Variants in MPRIP observed in about 807,000 individuals in gnomAD.
The protein encoded by MPRIP is myosin phosphatase Rho-interacting protein.
In MPRIP, 59 loss-of-function variants were observed where a neutral mutation model predicts 234.9. That is an observed-to-expected ratio of 0.25 (90% CI 0.20 to 0.31). The LOEUF is 0.31. MPRIP is among the 10% of genes least tolerant of loss of function. MPRIP has a pLI of 1.00. For synonymous variants in MPRIP, 1,144 were observed against 1,263.9 expected (o/e 0.91, Z 2.01); for missense variants, 2,436 against 3,071.0 (o/e 0.79, Z 4.89).
intron 16 of MPRIP, chr17:17,168,458 GAGA>G (rs1473467573): frequency 1.1e-5 from 3 of 282,558 alleles, no homozygotes; most frequent in Non-Finnish European, 2.1e-5. Context: ...GTGCTCTGGT[GAGA>G]AGAACTTTCC....
intron 7 of MPRIP, among the ~76,000 whole-genome samples, chr17:17,139,615 AAG>A (rs1491119164): frequency 6.6e-6 from 1 of 152,190 alleles, no homozygotes; most frequent in African/African-American, 2.4e-5. Flanking sequence ...CCGTGCCTCG[AAG>A]GGCAGGTGGA....
intron 1 of MPRIP, among the ~76,000 whole-genome samples, chr17:17,068,097 G>A (rs1384966034): frequency 6.6e-6 from 1 of 151,722 alleles, no homozygotes; most frequent in Non-Finnish European, 1.5e-5. Flanking sequence ...ATAACAATTT[G>A]TGCCATTATG....
chr17:17,105,129 C>T (rs889631553), intron 3 of MPRIP, among the ~76,000 whole-genome samples: 1 of 152,174 alleles, frequency 6.6e-6, no homozygotes, highest in Non-Finnish European at 1.5e-5. Flanking sequence ...CTCAAGTAGG[C>T]ACTAATTCCA....
intron 1 of MPRIP, among the ~76,000 whole-genome samples, chr17:17,061,366 C>A (rs953662941): frequency 1.3e-5 from 2 of 152,186 alleles, no homozygotes; most frequent in African/African-American, 4.8e-5. Flanking sequence ...AATTGAAATG[C>A]AGAGAACATT....
At chr17:17,140,481 C>T (rs1156585060) in intron 7 of MPRIP, among the ~76,000 whole-genome samples, 3 of 152,180 alleles carry the variant, frequency 2.0e-5, no homozygotes, top group African/African-American at 7.2e-5. Flanking sequence ...CTGAGGCCTG[C>T]TCACTGGATC....
Position 17,163,095 on chromosome 17 carries a change from C to T in MPRIP, c.2518-1014C>T, listed in dbSNP as rs573924276. Among the ~76,000 whole-genome samples the T allele has an allele frequency of 3.0e-4, 45 of 152,308 alleles. 1 individual carries two copies. In the South Asian group the frequency reaches 8.9e-3, roughly 30 times the overall value. ...TATGCTTTGGAAATGCTTTTAATCA[C>T]GACTCAGAATGAGCAGGGGGTCTGT... On this transcript the variant is annotated intron_variant, in intron 15 of 23. Transcript: ENST00000651222.
Position 17,180,266 on chromosome 17 carries a change from G to A in MPRIP, c.7206+178G>A, listed in dbSNP as rs541702799. The A allele has an allele frequency of 9.7e-6, 6 of 618,924 alleles. No homozygotes were observed. The South Asian group carries it at 1.2e-4, about 12-fold the overall frequency. The allele number at this position is 618,924 out of a possible 1,614,324, so 38.3% of individuals were successfully genotyped here. A position where few individuals can be genotyped will look rare whatever the true frequency, so the allele number is the denominator to read the frequency against. On this transcript the variant is annotated intron_variant, in intron 23 of 23. Coordinates refer to ENST00000651222, the MANE Select transcript of MPRIP (RefSeq NM_001364716.4). ...TCTGGTGGCTTTGAGCTCTGTGTCT[G>A]TCTTGGAGCCACCTCCTGGCAATGA...
At chr17:17,118,637 A>G (rs2090331057) in intron 3 of MPRIP, among the ~76,000 whole-genome samples, 1 of 152,138 alleles carries the variant, frequency 6.6e-6, no homozygotes, top group Non-Finnish European at 1.5e-5. Flanking sequence ...GGAAGGGGGA[A>G]GGGAGTTCTG....
chr17:17,137,357 T>TA, intron 6 of MPRIP, among the ~76,000 whole-genome samples: 1 of 152,068 alleles, frequency 6.6e-6, no homozygotes, highest in Non-Finnish European at 1.5e-5. Context: ...CTGCTAAAAA[T>TA]ACAAAAATTA....
In MPRIP at chr17:17,075,796, A is replaced by C; in HGVS notation, c.201+9A>C. 1 of 1,613,976 alleles carries C rather than the reference A, an allele frequency of 6.2e-7. No individual in the cohort carries two copies. Among genetic ancestry groups the C allele is most frequent in the Non-Finnish European group, 8.5e-7 (1 of 1,179,866 alleles). ...CAGTGCACCGGTCTCGGGTAAGGGC[A>C]TCAGAGCCAACTCTCAGGGAGGAAC... is the stretch of plus-strand genomic sequence containing the variant. On this transcript the variant is annotated intron_variant, in intron 2 of 23. Transcript: ENST00000651222.
intron 22 of MPRIP, 55 bp from the exon 23 acceptor site, chr17:17,179,948 G>A: frequency 1.4e-6 from 2 of 1,414,140 alleles, no homozygotes; most frequent in Non-Finnish European, 2.0e-6. Context: ...TCTGGTTCCA[G>A]AGGGTTTTAG....
rs1294429570 is a variant in MPRIP at position 17,043,802 on chromosome 17, C to G, written c.123+831C>G. Among the ~76,000 whole-genome samples, 5 of 152,254 alleles carry G rather than the reference C, an allele frequency of 3.3e-5. No individual in the cohort carries two copies. In the East Asian group the frequency reaches 9.6e-4, roughly 29 times the overall value. ...GATTGCTGTTTGAACTCCTAGTGTT[C>G]CAGGATTCCGAGCCTTGTGTGCACC... On this transcript the variant is annotated intron_variant, in intron 1 of 23. Coordinates refer to ENST00000651222, the MANE Select transcript of MPRIP (RefSeq NM_001364716.4).
At chr17:17,066,952 G>A (rs1360479966) in intron 1 of MPRIP, among the ~76,000 whole-genome samples, 1 of 151,098 alleles carries the variant, frequency 6.6e-6, no homozygotes, top group African/African-American at 2.4e-5. Flanking sequence ...GTAGAAACAG[G>A]GTCTTGTAGT....
rs1347914564 is a variant in MPRIP, at chr17:17,190,474, A to G, written c.*5580A>G. 6.6e-6 allele frequency: 1 copy of G among 152,252 alleles called. No individual in the cohort carries two copies. The highest frequency in any genetic ancestry group is 1.5e-5 in the Non-Finnish European group (1 of 68,054). The allele number at this position is 152,252 out of a possible 1,614,324, so 9.4% of individuals were successfully genotyped here. On this transcript the variant is annotated 3_prime_UTR_variant, in exon 24 of 24. Transcript: ENST00000651222. ...GAACCAGCCTGAGCTGAAGGCTAGT[A>G]ATACCGTGCTGTAGGCTCTTTAAAA...
Position 17,158,768 on chromosome 17 carries a change from G to A in MPRIP, c.2166G>A (p.Gly722=), listed in dbSNP as rs1221413705. 1 of 1,611,564 alleles carries A rather than the reference G, an allele frequency of 6.2e-7. No homozygotes were observed. Among genetic ancestry groups the A allele is most frequent in the Non-Finnish European group, 8.5e-7 (1 of 1,179,894 alleles). Residue 722 remains glycine (G), a synonymous_variant, in exon 14 of 24, where the codon GGG becomes GGA. Transcript: ENST00000651222. ...TCGGGATGCTCGACGCCACAGACGG[G>A]CCAGGCACTGAGGATGCAGCCCTGC... The part of the protein sequence containing the change: ...KRFGMLDATD[G]PGTEDAALRM...
Position 17,042,652 on chromosome 17 carries a change from C to A in MPRIP, c.-197C>A. On this transcript the variant is annotated 5_prime_UTR_variant, in exon 1 of 24. Transcript: ENST00000651222. ...CGGTGCGGGCGGGAGCTGGGCGTCG[C>A]GCGCGCTGTGAGGCCCGGGCGGCTC... 2.4e-6 allele frequency: 1 copy of A among 415,558 alleles called. No homozygotes were observed. Among genetic ancestry groups the A allele is most frequent in the Non-Finnish European group, 3.2e-6 (1 of 312,176 alleles). 25.7% of individuals were successfully genotyped at this position (415,558 alleles called of 1,614,324 possible). A position where few individuals can be genotyped will look rare whatever the true frequency, so the allele number is the denominator to read the frequency against.
rs1377838234 is a variant in MPRIP at position 17,066,710 on chromosome 17, A to G, written c.124-9000A>G. 8.1e-5 allele frequency among the ~76,000 whole-genome samples: 10 copies of G among 124,062 alleles called. No homozygotes were observed. The East Asian group carries it at 1.4e-3, about 17-fold the overall frequency. The allele number at this position is 124,062 out of a possible 152,430, so 81.4% of individuals were successfully genotyped here. A position where few individuals can be genotyped will look rare whatever the true frequency, so the allele number is the denominator to read the frequency against. On this transcript the variant is annotated intron_variant, in intron 1 of 23. Transcript: ENST00000651222. Reference sequence around the variant, plus strand: ...ATATCCCCTCATGTCAAACCCACAGATACTTTTTTCATCTTTTTTTTTTTT... The same window carrying G: ...ATATCCCCTCATGTCAAACCCACAGGTACTTTTTTCATCTTTTTTTTTTTT...
In MPRIP at chr17:17,164,971, A is replaced by G; in HGVS notation, c.3380A>G (p.Asp1127Gly). Residue 1127 changes from aspartate (D) to glycine (G), a missense_variant, in exon 16 of 24, where the codon GAT becomes GGT. Around this residue, in one of 4 missense-constraint regions of MPRIP, gnomAD observed 1,998 missense variants for 2,520.3 expected, o/e 0.79. Transcript: ENST00000651222. The stretch of plus-strand genomic sequence containing the variant: ...GAGCGCGTGGCCACGTCCGACGAGG[A>G]TGTGGCTGAGCTCCGGGAAAAGCTG... ...LTERVATSDE[D>G]VAELREKLRR... 1 of 1,303,214 alleles carries G rather than the reference A, an allele frequency of 7.7e-7. No individual in the cohort carries two copies. The highest frequency in any genetic ancestry group is 1.0e-6 in the Non-Finnish European group (1 of 988,872). 80.7% of individuals were successfully genotyped at this position (1,303,214 alleles called of 1,614,324 possible). A position where few individuals can be genotyped will look rare whatever the true frequency, so the allele number is the denominator to read the frequency against.
chr17:17,055,395 T>A (rs888369739), intron 1 of MPRIP, among the ~76,000 whole-genome samples: 1 of 152,000 alleles, frequency 6.6e-6, no homozygotes, highest in Admixed American at 6.5e-5. Context: ...GGGAGCCGGG[T>A]CTAGTCCCAA....
Sources: allele counts gnomAD v4.1 joint callset (sites outside exome capture counted in the v4.1 genomes callset), GRCh38; gene constraint gnomAD v4.1.1; regional missense constraint gnomAD v4.1.1; transcripts MANE v1.5; gene names NCBI Gene and HGNC (gene_info 2026-07-23, HGNC 2026-07-21).